The following HS3ST4 variants were observed in gnomAD, a reference collection of about 807,000 sequenced individuals.
HS3ST4 encodes heparan sulfate-glucosamine 3-sulfotransferase 4.
Under a neutral mutation model 29.2 loss-of-function variants are expected in HS3ST4, and 17 were observed. The observed-to-expected ratio is 0.58, with a 90% CI of 0.40 to 0.87. The LOEUF is 0.87. Among genes scored for constraint, HS3ST4 ranks in the 40% least tolerant of loss-of-function variants. HS3ST4 has a pLI of 0.00. For synonymous variants in HS3ST4, 314 were observed against 285.7 expected (o/e 1.10, Z -1.00); for missense variants, 627 against 634.5 (o/e 0.99, Z 0.13).
In HS3ST4 at chr16:25,729,261, G is replaced by A. The variant is rs560805376; in HGVS notation, c.734+36110G>A. Among the ~76,000 whole-genome samples, 95 of 152,290 alleles carry A rather than the reference G, an allele frequency of 6.2e-4. 2 individuals are homozygous for A. In the South Asian group the frequency reaches 0.014, roughly 22 times the overall value. Reference sequence around the variant, plus strand: ...TCCTGAAAAAGAAATGAGACACAGCGTTTGGAAGATGACCCTAGACATCTA... The same window carrying A: ...TCCTGAAAAAGAAATGAGACACAGCATTTGGAAGATGACCCTAGACATCTA... On this transcript the variant is annotated intron_variant, in intron 1 of 1. Transcript: ENST00000331351.
At chr16:25,919,653 A>G (rs1005033422) in intron 1 of HS3ST4, among the ~76,000 whole-genome samples, 2 of 152,232 alleles carry the variant, frequency 1.3e-5, no homozygotes, top group African/African-American at 4.8e-5. Context: ...AGGAAGACCC[A>G]GATTGGAGAC....
intron 1 of HS3ST4, among the ~76,000 whole-genome samples, chr16:25,999,604 A>T (rs1168008181): frequency 6.6e-6 from 1 of 150,704 alleles, no homozygotes; most frequent in Non-Finnish European, 1.5e-5. Context: ...AGTTAAACAT[A>T]ATTTATTTAT....
chr16:26,092,206 C>T (rs899710165), intron 1 of HS3ST4, among the ~76,000 whole-genome samples: 6 of 152,120 alleles, frequency 3.9e-5, no homozygotes, highest in Admixed American at 3.3e-4. Context: ...ATCCCTAACC[C>T]AGCCCACGTC....
At position 26,136,210 on chromosome 16, in the gene HS3ST4, C is replaced by T; in HGVS notation, c.1333C>T (p.Gln445Ter). The T allele has an allele frequency of 6.2e-7, 1 of 1,613,212 alleles. No homozygotes were observed. Among genetic ancestry groups the T allele is most frequent in the Non-Finnish European group, 8.5e-7 (1 of 1,179,654 alleles). Reference protein sequence around the residue: ...FNLMFYQMTGQDFQWEQEEGD... With the variant: ...FNLMFYQMTG Reference sequence around the variant, plus strand: ...CTTGATGTTTTACCAAATGACTGGTCAAGATTTTCAGTGGGAACAGGAAGA... The same window carrying T: ...CTTGATGTTTTACCAAATGACTGGTTAAGATTTTCAGTGGGAACAGGAAGA... Residue 445 changes from glutamine to a stop codon, truncating the protein, a stop_gained, in exon 2 of 2, where the codon CAA becomes TAA. Transcript: ENST00000331351. LOFTEE classifies it high-confidence loss of function.
intron 1 of HS3ST4, among the ~76,000 whole-genome samples, chr16:26,017,737 AG>A (rs1177394130): frequency 4.6e-5 from 7 of 152,298 alleles, no homozygotes; most frequent in African/African-American, 1.7e-4. Flanking sequence ...AAAGTCCTCA[AG>A]GGACTGATTT....
chr16:25,886,180 G>A (rs905163805), intron 1 of HS3ST4, among the ~76,000 whole-genome samples: 8 of 151,654 alleles, frequency 5.3e-5, no homozygotes, highest in Admixed American at 2.0e-4. Context: ...CTACAGGTGC[G>A]TGCCACCATG....
chr16:26,131,911 C>T (rs9939393), intron 1 of HS3ST4, among the ~76,000 whole-genome samples: 35,888 of 152,078 alleles, frequency 0.24, 4,530 homozygotes, highest in African/African-American at 0.32. Context: ...GACCTGTCAC[C>T]GATCCTGGTG....
chr16:26,128,156 T>G (rs1360748509), intron 1 of HS3ST4, among the ~76,000 whole-genome samples: 1 of 152,186 alleles, frequency 6.6e-6, no homozygotes, highest in African/African-American at 2.4e-5. Flanking sequence ...AGCTGAGATT[T>G]GACACTTATC....
intron 1 of HS3ST4, among the ~76,000 whole-genome samples, chr16:25,746,997 C>A (rs916001489): frequency 2.0e-5 from 3 of 152,154 alleles, no homozygotes; most frequent in Non-Finnish European, 4.4e-5. Flanking sequence ...CACAGGTGTG[C>A]ACCATCACAC....
chr16:25,876,369 A>T (rs1967833541), intron 1 of HS3ST4, among the ~76,000 whole-genome samples: 2 of 152,162 alleles, frequency 1.3e-5, no homozygotes, highest in African/African-American at 4.8e-5. Context: ...TTCAGGGCAT[A>T]AATAATGCCA....
intron 1 of HS3ST4, among the ~76,000 whole-genome samples, chr16:25,898,163 T>C (rs563852833): frequency 4.6e-5 from 7 of 152,218 alleles, no homozygotes; most frequent in Non-Finnish European, 8.8e-5. Flanking sequence ...GGATTTTGCT[T>C]AGCTTCTATC....
intron 1 of HS3ST4, among the ~76,000 whole-genome samples, chr16:25,985,506 C>T (rs937137600): frequency 5.3e-5 from 8 of 152,128 alleles, no homozygotes; most frequent in African/African-American, 9.7e-5. Flanking sequence ...GTTCTCTTAA[C>T]ATTAAGTGCA....
At chr16:25,915,792 G>A (rs115783748) in intron 1 of HS3ST4, among the ~76,000 whole-genome samples, 122 of 151,870 alleles carry the variant, frequency 8.0e-4, no homozygotes, top group African/African-American at 2.9e-3. Flanking sequence ...GTACAGCATA[G>A]TGGTTCAATA....
At chr16:25,697,527 C>T (rs1437609411) in intron 1 of HS3ST4, among the ~76,000 whole-genome samples, 2 of 152,174 alleles carry the variant, frequency 1.3e-5, no homozygotes, top group African/African-American at 4.8e-5. Context: ...TTTACCTTTT[C>T]AATGTGGCTA....
intron 1 of HS3ST4, among the ~76,000 whole-genome samples, chr16:26,127,500 G>A (rs2141814147): frequency 6.6e-6 from 1 of 152,334 alleles, no homozygotes; most frequent in Admixed American, 6.5e-5. Flanking sequence ...CCCCAAGTAA[G>A]AATGTTGACA....
chr16:25,702,768 A>G (rs1168352992), intron 1 of HS3ST4, among the ~76,000 whole-genome samples: 1 of 152,206 alleles, frequency 6.6e-6, no homozygotes, highest in South Asian at 2.1e-4. Context: ...ATAAACTATT[A>G]TAATCCCTTG....
At chr16:25,859,157 C>G (rs1447779440) in intron 1 of HS3ST4, among the ~76,000 whole-genome samples, 1 of 152,068 alleles carries the variant, frequency 6.6e-6, no homozygotes, top group East Asian at 1.9e-4. Flanking sequence ...GAATTCAGTC[C>G]TCTCTGTATT....
At chr16:25,710,657 T>C (rs549162274) in intron 1 of HS3ST4, among the ~76,000 whole-genome samples, 1 of 152,094 alleles carries the variant, frequency 6.6e-6, no homozygotes, top group Non-Finnish European at 1.5e-5. Context: ...GAGATTTCTT[T>C]TCCTGGTTTC....
At chr16:25,722,796 C>T (rs1051695728) in intron 1 of HS3ST4, among the ~76,000 whole-genome samples, 3 of 152,126 alleles carry the variant, frequency 2.0e-5, no homozygotes, top group African/African-American at 7.2e-5. Flanking sequence ...AATGGAACTA[C>T]TAATAGCAGG....
Sources: allele counts gnomAD v4.1 joint callset (sites outside exome capture counted in the v4.1 genomes callset), GRCh38; gene constraint gnomAD v4.1.1; transcripts MANE v1.5; gene names NCBI Gene and HGNC (gene_info 2026-07-23, HGNC 2026-07-21).